The following KLF7 variants were observed in gnomAD, a reference collection of about 807,000 sequenced individuals.
KLF7 encodes the protein KLF transcription factor 7.
Under a neutral mutation model 27.3 loss-of-function variants are expected in KLF7, and 2 were observed. The ratio of observed to expected loss-of-function variants is 0.07; its 90% CI spans 0.03 to 0.23. The LOEUF is 0.23. Ranked by LOEUF, KLF7 falls within the 10% of genes least tolerant of loss-of-function variation. The pLI is 1.00. For missense variants in KLF7, 221 were observed against 394.1 expected (o/e 0.56, Z 3.72); for synonymous variants, 165 against 162.4 (o/e 1.02, Z -0.12).
intron 2 of KLF7, among the ~76,000 whole-genome samples, chr2:207,108,978 T>A (rs2076956768): frequency 6.6e-6 from 1 of 152,222 alleles, no homozygotes; most frequent in African/African-American, 2.4e-5. Flanking sequence ...TCCTTTGAAT[T>A]CTTTAAGGCA....
chr2:207,127,560 G>A (rs1292472855), intron 1 of KLF7, among the ~76,000 whole-genome samples: 2 of 152,212 alleles, frequency 1.3e-5, no homozygotes, highest in African/African-American at 2.4e-5. Context: ...GTCCATGACA[G>A]GCCGGGTGCA....
At chr2:207,170,463 A>G (rs778463794), upstream of KLF7, among the ~76,000 whole-genome samples, 17 of 152,176 alleles carry the variant, frequency 1.1e-4, no homozygotes, top group Non-Finnish European at 1.9e-4. Flanking sequence ...ACTGAGCTAA[A>G]ATCATTGATA....
At chr2:207,115,400 T>A (rs373110892) in intron 2 of KLF7, among the ~76,000 whole-genome samples, 1 of 152,208 alleles carries the variant, frequency 6.6e-6, no homozygotes, top group African/African-American at 2.4e-5. Context: ...CTAAGCTTAT[T>A]CTCATTGCAG....
At chr2:207,115,274 T>C (rs2077148795) in intron 2 of KLF7, among the ~76,000 whole-genome samples, 1 of 152,116 alleles carries the variant, frequency 6.6e-6, no homozygotes, top group African/African-American at 2.4e-5. Flanking sequence ...TTCTGATCTT[T>C]CCTCCCCTAC....
At chr2:207,132,696 C>T (rs372233329) in intron 1 of KLF7, among the ~76,000 whole-genome samples, 44 of 152,302 alleles carry the variant, frequency 2.9e-4, no homozygotes, top group African/African-American at 1.0e-3. Context: ...CCCAAAACAA[C>T]TCAAATCTAA....
At chr2:207,162,543 G>A (rs886242429) in intron 1 of KLF7, among the ~76,000 whole-genome samples, 1 of 152,170 alleles carries the variant, frequency 6.6e-6, no homozygotes, top group Non-Finnish European at 1.5e-5. Context: ...TACCAGCAAC[G>A]ATTATTTTCA....
At chr2:207,135,304 T>C (rs1401890362) in intron 1 of KLF7, among the ~76,000 whole-genome samples, 7 of 143,688 alleles carry the variant, frequency 4.9e-5, no homozygotes, top group Non-Finnish European at 7.8e-5. Flanking sequence ...AGCTCTGCTG[T>C]CATTGAGTGG....
At chr2:207,118,921 G>C (rs1002367437) in intron 2 of KLF7, among the ~76,000 whole-genome samples, 2 of 152,054 alleles carry the variant, frequency 1.3e-5, no homozygotes, top group Non-Finnish European at 2.9e-5. Flanking sequence ...CTTTTCATTT[G>C]AAAATAAACT....
intron 2 of KLF7, among the ~76,000 whole-genome samples, chr2:207,095,344 G>T (rs369092374): frequency 6.6e-6 from 1 of 152,074 alleles, no homozygotes; most frequent in Non-Finnish European, 1.5e-5. Flanking sequence ...CACCACGCCC[G>T]GCCTGTTTTT....
Position 207,080,937 on chromosome 2 carries a change from C to T in KLF7, c.*276G>A, listed in dbSNP as rs1294346691. On this transcript the variant is annotated 3_prime_UTR_variant, in exon 4 of 4. Coordinates refer to ENST00000309446, the MANE Select transcript of KLF7 (RefSeq NM_003709.4). ...CAGCCAGTCTGCCTTGCTGAGTTCA[C>T]CTGGTTTCCTTCTTCATCTTCTTCC... is the stretch of plus-strand genomic sequence containing the variant. The T allele has an allele frequency of 1.4e-5, 6 of 436,422 alleles. No individual in the cohort carries two copies. Among genetic ancestry groups the T allele is most frequent in the Non-Finnish European group, 2.4e-5 (6 of 247,822 alleles). 27.0% of individuals were successfully genotyped at this position (436,422 alleles called of 1,614,324 possible).
At chr2:207,153,580 A>T (rs2078303330) in intron 1 of KLF7, among the ~76,000 whole-genome samples, 1 of 152,236 alleles carries the variant, frequency 6.6e-6, no homozygotes, top group Admixed American at 6.5e-5. Flanking sequence ...CTCAAAGAGC[A>T]AAGTGAGAAA....
chr2:207,153,592 A>C (rs929711260), intron 1 of KLF7, among the ~76,000 whole-genome samples: 1 of 151,882 alleles, frequency 6.6e-6, no homozygotes, highest in Non-Finnish European at 1.5e-5. Context: ...AGTGAGAAAA[A>C]TAACTTCCAT....
intron 2 of KLF7, among the ~76,000 whole-genome samples, chr2:207,116,224 C>A (rs2077182188): frequency 1.3e-5 from 2 of 152,180 alleles, no homozygotes; most frequent in South Asian, 4.1e-4. Context: ...CTCATCAGAA[C>A]TAATTTCCTT....
At chr2:207,094,594 G>A (rs1357400803) in intron 2 of KLF7, among the ~76,000 whole-genome samples, 1 of 152,196 alleles carries the variant, frequency 6.6e-6, no homozygotes, top group Non-Finnish European at 1.5e-5. Flanking sequence ...AAGCAAGCTG[G>A]AGAATAAAGA....
upstream of KLF7, chr2:207,166,145 C>T: frequency 2.0e-6 from 2 of 985,732 alleles, no homozygotes; most frequent in Non-Finnish European, 2.4e-6. Context: ...GTTCTCCGCG[C>T]AGCCGTGGGA....
chr2:207,166,047 C>T, upstream of KLF7: 1 of 509,512 alleles, frequency 2.0e-6, no homozygotes, highest in African/African-American at 2.4e-5. Context: ...CCCCACCCCC[C>T]ACCCCATCCT....
At chr2:207,153,450 C>A (rs867843759) in intron 1 of KLF7, among the ~76,000 whole-genome samples, 2 of 152,268 alleles carry the variant, frequency 1.3e-5, no homozygotes, top group South Asian at 4.1e-4. Flanking sequence ...CTGAGTCAGA[C>A]ATGGCAAACA....
intron 3 of KLF7, among the ~76,000 whole-genome samples, chr2:207,082,116 T>C (rs2076286760): frequency 6.6e-6 from 1 of 152,170 alleles, no homozygotes; most frequent in South Asian, 2.1e-4. Context: ...GGTCATCTTC[T>C]TTCCTCTTTC....
intron 1 of KLF7, among the ~76,000 whole-genome samples, chr2:207,127,873 G>A (rs935074640): frequency 8.6e-5 from 13 of 152,034 alleles, no homozygotes; most frequent in Admixed American, 3.9e-4. Flanking sequence ...TGTTTGATGG[G>A]AACTGAGGTA....
Sources: allele counts gnomAD v4.1 joint callset (sites outside exome capture counted in the v4.1 genomes callset), GRCh38; gene constraint gnomAD v4.1.1; transcripts MANE v1.5; gene names NCBI Gene and HGNC (gene_info 2026-07-23, HGNC 2026-07-21).